Variants in MBP observed in about 807,000 individuals in gnomAD.
MBP encodes myelin basic protein, also known as Golli-MBP.
MBP carries 16 observed loss-of-function variants against 35.8 expected under a neutral mutation model. The ratio of observed to expected loss-of-function variants is 0.45; its 90% CI spans 0.30 to 0.68. MBP has a LOEUF of 0.68. MBP is among the 30% of genes least tolerant of loss of function. MBP has a pLI of 0.08. For missense variants in MBP, 380 were observed against 404.7 expected, an observed-to-expected ratio of 0.94 and a Z score of 0.52; for synonymous variants, 143 against 159.6, an observed-to-expected ratio of 0.90 and a Z score of 0.78.
At chr18:77,087,600 C>T (rs1975305122) in intron 2 of MBP, 1 of 152,222 alleles carries the variant, frequency 6.6e-6, no homozygotes, top group African/African-American at 2.4e-5. Flanking sequence ...AGTCGCGCAG[C>T]GCTGTAGGGT....
At chr18:77,070,202 TG>T (rs1475764619) in intron 2 of MBP, among the ~76,000 whole-genome samples, 1 of 152,170 alleles carries the variant, frequency 6.6e-6, no homozygotes, top group African/African-American at 2.4e-5. Flanking sequence ...CGAGAGGGGA[TG>T]GGTCCTGGCA....
Position 76,980,385 on chromosome 18 carries a change from T to A in MBP, c.*42A>T. The A allele has an allele frequency of 6.3e-7, 1 of 1,584,690 alleles. No individual in the cohort carries two copies. Among genetic ancestry groups the A allele is most frequent in the Admixed American group, 1.7e-5 (1 of 59,982 alleles). Reference sequence around the variant, plus strand: ...TGGGATTAAAGTTTTAAGGCAGTTATATTAAGAAGCTGAGGACAGGATTCC... The same window carrying A: ...TGGGATTAAAGTTTTAAGGCAGTTAAATTAAGAAGCTGAGGACAGGATTCC... On this transcript the variant is annotated 3_prime_UTR_variant, in exon 9 of 9. Transcript: ENST00000355994.
chr18:76,981,370 C>T (rs1969190624), intron 8 of MBP: 3 of 152,220 alleles, frequency 2.0e-5, no homozygotes, highest in Admixed American at 1.3e-4. Context: ...GGCCGATCAG[C>T]AACGAACCAA....
chr18:76,991,682 C>T (rs1046680230), intron 4 of MBP, among the ~76,000 whole-genome samples: 1 of 152,208 alleles, frequency 6.6e-6, no homozygotes, highest in African/African-American at 2.4e-5. Flanking sequence ...AAAGAGCCCA[C>T]ACCTCAGGCA....
chr18:77,042,727 C>G (rs749909799), intron 3 of MBP, among the ~76,000 whole-genome samples: 1 of 152,232 alleles, frequency 6.6e-6, no homozygotes, highest in African/African-American at 2.4e-5. Flanking sequence ...GGGCCAGGGC[C>G]TCACACAATG....
In MBP at chr18:77,029,891, C is replaced by CA. The variant is rs200836599; in HGVS notation, c.140-12624dup. Reference sequence around the variant, plus strand: ...CCGGAAACTAATAATTTTCCTGGCTCAAAAATCCAGGTTTCCAGCTTACCG... The same window carrying CA: ...CCGGAAACTAATAATTTTCCTGGCTCAAAAAATCCAGGTTTCCAGCTTACCG... On this transcript the variant is annotated intron_variant, in intron 3 of 8. Transcript: ENST00000355994. 5.1e-3 allele frequency among the ~76,000 whole-genome samples: 774 copies of CA among 152,198 alleles called. 10 individuals carry two copies. Among genetic ancestry groups the CA allele is most frequent in the East Asian group, 0.029 (151 of 5,170 alleles).
chr18:77,008,082 G>C (rs746480503), intron 4 of MBP, among the ~76,000 whole-genome samples: 20 of 152,234 alleles, frequency 1.3e-4, no homozygotes, highest in Middle Eastern at 6.8e-3. Flanking sequence ...TGAGGACAGC[G>C]TGCCTCTCGT....
chr18:76,980,062 G>A lies in MBP; in HGVS notation c.*365C>T. 1.4e-6 allele frequency: 1 copy of A among 701,002 alleles called. No homozygotes were observed. The highest frequency in any genetic ancestry group is 2.6e-6 in the Non-Finnish European group (1 of 384,664). 43.4% of individuals were successfully genotyped at this position (701,002 alleles called of 1,614,324 possible). The stretch of plus-strand genomic sequence containing the variant: ...GCCTCCATGGCAGTGACCAGCAAAA[G>A]CGCAAGGGTGCCGCAGCCACGGCGA... On this transcript the variant is annotated 3_prime_UTR_variant, in exon 9 of 9. Coordinates refer to ENST00000355994, the MANE Select transcript of MBP (RefSeq NM_001025101.2).
intron 3 of MBP, among the ~76,000 whole-genome samples, chr18:77,045,831 C>G (rs1187388425): frequency 6.6e-6 from 1 of 152,196 alleles, no homozygotes; most frequent in Admixed American, 6.5e-5. Flanking sequence ...ACCAAAACCT[C>G]CACGCAACTG....
intron 2 of MBP, among the ~76,000 whole-genome samples, chr18:77,094,437 C>T (rs564047853): frequency 5.3e-5 from 8 of 152,314 alleles, no homozygotes; most frequent in South Asian, 4.1e-4. Flanking sequence ...TCATAAGTGC[C>T]GGTTCCCGGA....
chr18:77,037,432 G>C (rs1012052025), intron 3 of MBP, among the ~76,000 whole-genome samples: 1 of 152,230 alleles, frequency 6.6e-6, no homozygotes, highest in Non-Finnish European at 1.5e-5. Flanking sequence ...TCCAGGTTTG[G>C]GGACAGAGAC....
chr18:76,984,361 G>A (rs1969409315), intron 8 of MBP: 1 of 214,034 alleles, frequency 4.7e-6, no homozygotes, highest in Admixed American at 5.2e-5. Context: ...CCCACTCCCT[G>A]GAGGTCTCCT....
chr18:77,015,264 CA>C (rs1164576141), intron 4 of MBP: 2 of 968,800 alleles, frequency 2.1e-6, no homozygotes, highest in African/African-American at 3.5e-5. Flanking sequence ...AGTTTAAGTA[CA>C]TTTTTTTTTT....
chr18:77,042,519 T>C (rs1274223846), intron 3 of MBP, among the ~76,000 whole-genome samples: 1 of 152,240 alleles, frequency 6.6e-6, no homozygotes, highest in East Asian at 1.9e-4. Flanking sequence ...TAACCATTAA[T>C]ACGTATTCTG....
intron 1 of MBP, among the ~76,000 whole-genome samples, chr18:77,123,331 C>G (rs117923100): frequency 6.6e-6 from 1 of 152,142 alleles, no homozygotes; most frequent in African/African-American, 2.4e-5. Flanking sequence ...GAAAAAGCAT[C>G]AAAAATACAT....
intron 3 of MBP, among the ~76,000 whole-genome samples, chr18:77,057,013 A>G (rs1973753104): frequency 1.3e-5 from 2 of 151,964 alleles, no homozygotes; most frequent in South Asian, 4.1e-4. Context: ...TTGGCCCAAA[A>G]CAAACATCCT....
intron 3 of MBP, among the ~76,000 whole-genome samples, chr18:77,053,420 T>C (rs945007398): frequency 2.6e-5 from 4 of 152,240 alleles, no homozygotes; most frequent in African/African-American, 9.6e-5. Flanking sequence ...GGGCTGGCTG[T>C]GGTTTCAGAG....
chr18:77,043,440 AG>A (rs1389593139), intron 3 of MBP, among the ~76,000 whole-genome samples: 3 of 152,230 alleles, frequency 2.0e-5, no homozygotes, highest in East Asian at 3.9e-4. Context: ...GATTCCTGTA[AG>A]TCTTGGGTTA....
chr18:76,988,624 G>A lies in MBP; in HGVS notation c.718-97C>T, dbSNP rs1969703919. ...CACAGTCAAAGCACAGTGGAGCTGA[G>A]GTGGTAAAAACAGGTTCCACCCGGA... is the stretch of plus-strand genomic sequence containing the variant. On this transcript the variant is annotated intron_variant, in intron 6 of 8. Transcript: ENST00000355994. The surrounding 1 kb of genome is among the most constrained non-coding windows in gnomAD (Gnocchi z 5.2). The A allele has an allele frequency of 1.3e-6, 2 of 1,533,264 alleles. No individual in the cohort carries two copies. Among genetic ancestry groups the A allele is most frequent in the South Asian group, 1.3e-5 (1 of 77,986 alleles). The allele number at this position is 1,533,264 out of a possible 1,614,324, so 95.0% of individuals were successfully genotyped here. A position where few individuals can be genotyped will look rare whatever the true frequency, so the allele number is the denominator to read the frequency against.
Sources: allele counts gnomAD v4.1 joint callset (sites outside exome capture counted in the v4.1 genomes callset), GRCh38; gene constraint gnomAD v4.1.1; non-coding constraint Gnocchi (gnomAD v3.1); transcripts MANE v1.5; gene names NCBI Gene and HGNC (gene_info 2026-07-23, HGNC 2026-07-21).